The following PEX5L variants were observed in gnomAD, a reference collection of about 807,000 sequenced individuals.
PEX5L encodes PEX5-related protein.
PEX5L carries 30 observed loss-of-function variants against 84.0 expected under a neutral mutation model. The observed-to-expected ratio is 0.36, with a 90% CI of 0.27 to 0.48. The LOEUF is 0.48. Among genes scored for constraint, PEX5L ranks in the 20% least tolerant of loss-of-function variants. The pLI is 0.99. For missense variants in PEX5L, 533 were observed against 754.6 expected, an observed-to-expected ratio of 0.71 and a Z score of 3.44; for synonymous variants, 270 against 283.1, an observed-to-expected ratio of 0.95 and a Z score of 0.46.
chr3:179,824,124 T>C (rs904354022), intron 8 of PEX5L, among the ~76,000 whole-genome samples: 2 of 152,178 alleles, frequency 1.3e-5, no homozygotes, highest in Admixed American at 6.5e-5. Flanking sequence ...CAGGAAAGTT[T>C]AAGGGATGGC....
intron 2 of PEX5L, among the ~76,000 whole-genome samples, chr3:179,936,418 T>C (rs1366097586): frequency 6.6e-6 from 1 of 152,182 alleles, no homozygotes; most frequent in Non-Finnish European, 1.5e-5. Context: ...TCTTAGAAAA[T>C]AAAGTGAGTT....
chr3:179,840,768 C>T (rs1263131262), intron 8 of PEX5L, among the ~76,000 whole-genome samples: 1 of 152,114 alleles, frequency 6.6e-6, no homozygotes, highest in African/African-American at 2.4e-5. Flanking sequence ...GGCAGGGCAT[C>T]ATCCGGGACT....
chr3:179,907,064 A>G (rs1763469389), intron 2 of PEX5L, among the ~76,000 whole-genome samples: 1 of 152,224 alleles, frequency 6.6e-6, no homozygotes, highest in East Asian at 1.9e-4. Flanking sequence ...TATAATAAAC[A>G]AGATTCCCTG....
Position 179,813,664 on chromosome 3 carries a change from ATTT to A in PEX5L, c.1084-1796_1084-1794del, listed in dbSNP as rs35351586. On this transcript the variant is annotated intron_variant, in intron 10 of 14. Coordinates refer to ENST00000467460, the MANE Select transcript of PEX5L (RefSeq NM_016559.3). Reference sequence around the variant, plus strand: ...AGGCATGAGCCATCCCACTCAACTAATTTTTTTTTTTTTTTTTTTTTTTGAGAC... The same window carrying A: ...AGGCATGAGCCATCCCACTCAACTAATTTTTTTTTTTTTTTTTTTTGAGAC... 5.7e-3 allele frequency among the ~76,000 whole-genome samples: 553 copies of A among 96,396 alleles called. 1 individual carries two copies. Among genetic ancestry groups the A allele is most frequent in the Non-Finnish European group, 7.5e-3 (378 of 50,336 alleles). The allele number at this position is 96,396 out of a possible 152,430, so 63.2% of individuals were successfully genotyped here. A position where few individuals can be genotyped will look rare whatever the true frequency, so the allele number is the denominator to read the frequency against.
intron 1 of PEX5L, among the ~76,000 whole-genome samples, chr3:180,034,462 G>A (rs1338612642): frequency 6.6e-6 from 1 of 152,098 alleles, no homozygotes; most frequent in Non-Finnish European, 1.5e-5. Context: ...ATAAGGAAAC[G>A]TTATTTTGTC....
intron 2 of PEX5L, among the ~76,000 whole-genome samples, chr3:179,916,333 C>T (rs1280738278): frequency 6.6e-6 from 1 of 152,128 alleles, no homozygotes; most frequent in African/African-American, 2.4e-5. Flanking sequence ...CGTAACTGTA[C>T]TGAATACTGT....
At chr3:179,995,104 CACACTATATATACTATATATAT>C (rs1787754593) in intron 1 of PEX5L, among the ~76,000 whole-genome samples, 1 of 146,800 alleles carries the variant, frequency 6.8e-6, no homozygotes, top group Non-Finnish European at 1.5e-5. Context: ...TATATATACA[CACACTATATATACTATATATAT>C]ACACTATATA....
At chr3:179,807,064 C>T (rs781551018) in intron 14 of PEX5L, among the ~76,000 whole-genome samples, 1 of 152,202 alleles carries the variant, frequency 6.6e-6, no homozygotes, top group African/African-American at 2.4e-5. Context: ...AAGGTCATTT[C>T]TAGGCCCTGG....
chr3:179,853,968 T>A (rs1267289741), intron 8 of PEX5L, among the ~76,000 whole-genome samples: 7 of 149,752 alleles, frequency 4.7e-5, no homozygotes, highest in Non-Finnish European at 1.0e-4. Context: ...CGTGCCACCA[T>A]GACTGGCTAA....
intron 1 of PEX5L, among the ~76,000 whole-genome samples, chr3:179,993,733 G>A (rs1445488545): frequency 6.6e-6 from 1 of 152,014 alleles, no homozygotes; most frequent in Non-Finnish European, 1.5e-5. Flanking sequence ...TAACTCCTGA[G>A]CTCAAGTGAT....
intron 3 of PEX5L, among the ~76,000 whole-genome samples, chr3:179,894,177 G>C (rs199664977): frequency 6.6e-6 from 1 of 151,906 alleles, no homozygotes; most frequent in African/African-American, 2.4e-5. Flanking sequence ...AAATTTATTC[G>C]GTGTCTGTCA....
intron 2 of PEX5L, among the ~76,000 whole-genome samples, chr3:179,918,514 C>T (rs1219115735): frequency 6.6e-6 from 1 of 152,174 alleles, no homozygotes; most frequent in Non-Finnish European, 1.5e-5. Flanking sequence ...TGAAGTGGCT[C>T]ATCAGTAAAA....
intron 1 of PEX5L, among the ~76,000 whole-genome samples, chr3:180,001,721 C>T (rs2110424790): frequency 6.6e-6 from 1 of 152,224 alleles, no homozygotes; most frequent in Middle Eastern, 3.4e-3. Context: ...TGCAACTTGA[C>T]ATAAATGCTT....
intron 2 of PEX5L, among the ~76,000 whole-genome samples, chr3:179,902,253 T>C (rs1761625040): frequency 6.6e-6 from 1 of 152,116 alleles, no homozygotes; most frequent in African/African-American, 2.4e-5. Context: ...CCCAGACCTG[T>C]TTTCCAGGCT....
intron 2 of PEX5L, among the ~76,000 whole-genome samples, chr3:179,899,413 G>A (rs576449314): frequency 9.9e-5 from 15 of 152,228 alleles, no homozygotes; most frequent in Middle Eastern, 3.4e-3. Context: ...ATCACAGGCA[G>A]AGAAACGAAA....
chr3:179,810,002 CTTTTTTTTT>C (rs35662193), intron 11 of PEX5L, among the ~76,000 whole-genome samples: 30 of 45,306 alleles, frequency 6.6e-4, no homozygotes, highest in Admixed American at 1.1e-3. Context: ...TTTAATGCTG[CTTTTTTTTT>C]TTTTTTTTTT....
intron 3 of PEX5L, among the ~76,000 whole-genome samples, chr3:179,889,379 C>T (rs1413708572): frequency 6.6e-6 from 1 of 152,124 alleles, no homozygotes. Flanking sequence ...ATTTAGTACT[C>T]ATATGCATGC....
intron 3 of PEX5L, among the ~76,000 whole-genome samples, chr3:179,892,513 T>C (rs996787593): frequency 3.9e-5 from 6 of 152,146 alleles, no homozygotes; most frequent in African/African-American, 1.4e-4. Flanking sequence ...GTTTAATCAA[T>C]GTTGACTGAT....
At chr3:180,029,783 G>A (rs1212374528) in intron 1 of PEX5L, among the ~76,000 whole-genome samples, 1 of 152,136 alleles carries the variant, frequency 6.6e-6, no homozygotes, top group African/African-American at 2.4e-5. Flanking sequence ...GTCTGGAGTT[G>A]GACTTGAGAT....
Sources: gnomAD v4.1 joint callset for allele counts (sites outside exome capture counted in the v4.1 genomes callset) on GRCh38, gnomAD v4.1.1 for gene constraint, MANE v1.5 for transcripts, NCBI Gene and HGNC (gene_info 2026-07-23, HGNC 2026-07-21) for gene names.